Variants in MAJIN observed in about 807,000 individuals in gnomAD.
MAJIN encodes the protein membrane-anchored junction protein.
A neutral mutation model predicts 30.2 loss-of-function variants in MAJIN; 27 were observed. That is an observed-to-expected ratio of 0.89 (90% CI 0.66 to 1.23). The LOEUF is 1.23. Ranked by LOEUF, MAJIN falls within the 50% of genes most tolerant of loss-of-function variation. The probability of loss-of-function intolerance (pLI) is 0.00; values close to 1 mark genes in which losing one functional copy is unlikely to be tolerated. For missense variants in MAJIN, 253 were observed against 260.3 expected (o/e 0.97, Z 0.19); for synonymous variants, 78 against 91.6 (o/e 0.85, Z 0.85).
At chr11:64,962,209 T>A (rs77432824) in intron 1 of MAJIN, among the ~76,000 whole-genome samples, 2,509 of 152,342 alleles carry the variant, frequency 0.016, 62 homozygotes, top group African/African-American at 0.057. Flanking sequence ...GGAAATTTCA[T>A]GTGTTGTACC....
At chr11:64,953,672 T>C (rs563047055) in intron 4 of MAJIN, among the ~76,000 whole-genome samples, 5 of 152,202 alleles carry the variant, frequency 3.3e-5, no homozygotes, top group Admixed American at 3.3e-4. Flanking sequence ...ACATCGGTAG[T>C]CCCAGCTGCT....
At position 64,938,603 on chromosome 11, in the gene MAJIN, ACT is replaced by A. The variant is rs1374019339; in HGVS notation, c.*2-32_*2-31del. 3.3e-6 allele frequency: 5 copies of A among 1,532,316 alleles called. No individual in the cohort carries two copies. The African/African-American group carries it at 4.1e-5, about 13-fold the overall frequency. 94.9% of individuals were successfully genotyped at this position (1,532,316 alleles called of 1,614,324 possible). A position where few individuals can be genotyped will look rare whatever the true frequency, so the allele number is the denominator to read the frequency against. On this transcript the variant is annotated intron_variant, in intron 10 of 10. Transcript: ENST00000301896. The stretch of plus-strand genomic sequence containing the variant: ...AAGAATGAGAACAGAGTAGGCTGAG[ACT>A]CTATGAGGTCTCCTTCCCTTCTCCC...
At chr11:64,948,602 CATATATATATAT>C (rs1554970962) in intron 6 of MAJIN, among the ~76,000 whole-genome samples, 46 of 19,400 alleles carry the variant, frequency 2.4e-3, no homozygotes, top group East Asian at 0.019. Flanking sequence ...CGGGCTACAT[CATATATATATAT>C]ATATATATAT....
At chr11:64,959,886 C>T (rs1483455779) in intron 2 of MAJIN, among the ~76,000 whole-genome samples, 9 of 152,156 alleles carry the variant, frequency 5.9e-5, no homozygotes, top group African/African-American at 1.9e-4. Context: ...ATTAGGAGGA[C>T]GTTTGCTATC....
At chr11:64,970,453 A>G (rs1307370353) in intron 1 of MAJIN, among the ~76,000 whole-genome samples, 13 of 119,152 alleles carry the variant, frequency 1.1e-4, no homozygotes, top group African/African-American at 2.6e-4. Flanking sequence ...TGCAACCTCC[A>G]CCTCCTGGGT....
intron 3 of MAJIN, 42 bp from the exon 4 acceptor site, chr11:64,954,844 A>G: frequency 6.4e-7 from 1 of 1,561,406 alleles, no homozygotes; most frequent in Non-Finnish European, 8.7e-7. Context: ...ACATGAAGGA[A>G]AGCTCTGGAG....
chr11:64,949,902 C>A, intron 5 of MAJIN, 34 bp from the exon 6 acceptor site: 1 of 1,596,520 alleles, frequency 6.3e-7, no homozygotes, highest in Non-Finnish European at 8.5e-7. Context: ...AGGAAAGATG[C>A]CAGTATGCAT....
At chr11:64,960,910 A>G (rs903825643) in intron 1 of MAJIN, among the ~76,000 whole-genome samples, 2 of 152,322 alleles carry the variant, frequency 1.3e-5, no homozygotes, top group South Asian at 2.1e-4. Flanking sequence ...AGCCCATGAG[A>G]CTATTTAGAC....
At chr11:64,950,670 C>T (rs1424405844) in intron 4 of MAJIN, among the ~76,000 whole-genome samples, 3 of 152,112 alleles carry the variant, frequency 2.0e-5, no homozygotes, top group Non-Finnish European at 1.5e-5. Flanking sequence ...CAATCTCTGC[C>T]TCCTGGGCTC....
In MAJIN at chr11:64,939,745, C is replaced by G. The variant is rs752840962; in HGVS notation, c.569G>C (p.Cys190Ser). 1.9e-6 allele frequency: 3 copies of G among 1,613,800 alleles called. No individual in the cohort carries two copies. The highest frequency in any genetic ancestry group is 2.5e-6 in the Non-Finnish European group (3 of 1,179,896). ...GCAGGGGTGGGACAATTCGCCCTGGCAGGCTGTGTCCCCACTCAGAATCTG... is the reference window on the plus strand; with the variant it reads ...GCAGGGGTGGGACAATTCGCCCTGGGAGGCTGTGTCCCCACTCAGAATCTG... ...RNKILSGDTA[C>S]QGELSHPCST... Residue 190 changes from cysteine (C) to serine (S), a missense_variant, in exon 10 of 11, where the codon TGC (cysteine) becomes TCC (serine). Cys to Ser is a moderately radical substitution (Grantham distance 112). Coordinates refer to ENST00000301896, the MANE Select transcript of MAJIN (RefSeq NM_001037225.3).
At chr11:64,946,263 T>C (rs1465826835) in intron 8 of MAJIN, 13 of 1,193,494 alleles carry the variant, frequency 1.1e-5, no homozygotes, top group African/African-American at 1.6e-5. Flanking sequence ...ATTGTTATAC[T>C]ACTCCTGGCT....
intron 1 of MAJIN, among the ~76,000 whole-genome samples, chr11:64,970,361 C>CTTTTTTTTTTT (rs1196525730): frequency 1.5e-5 from 1 of 66,058 alleles, no homozygotes; most frequent in African/African-American, 5.6e-5. Context: ...AAGACTCCGT[C>CTTTTTTTTTTT]TTTTTTTTTT....
At chr11:64,951,143 C>T (rs764342935) in intron 4 of MAJIN, among the ~76,000 whole-genome samples, 8 of 152,168 alleles carry the variant, frequency 5.3e-5, no homozygotes, top group South Asian at 2.1e-4. Flanking sequence ...GTAGAATATA[C>T]ACCTGACTTA....
At chr11:64,945,760 C>G (rs948112027) in intron 8 of MAJIN, among the ~76,000 whole-genome samples, 2 of 152,184 alleles carry the variant, frequency 1.3e-5, no homozygotes, top group African/African-American at 4.8e-5. Flanking sequence ...TGGTCTTGAA[C>G]TCCTGACTTC....
At chr11:64,955,036 A>G (rs1945610647) in intron 3 of MAJIN, among the ~76,000 whole-genome samples, 1 of 152,242 alleles carries the variant, frequency 6.6e-6, no homozygotes, top group African/African-American at 2.4e-5. Flanking sequence ...CCACTGTGAA[A>G]GTTAATCATT....
In MAJIN at chr11:64,966,145, G is replaced by GAAAAAAAAAAAAAAAAAAAAAAA; in HGVS notation, c.-65+5731_-65+5732insTTTTTTTTTTTTTTTTTTTTTTT. 1.6e-3 allele frequency among the ~76,000 whole-genome samples: 91 copies of GAAAAAAAAAAAAAAAAAAAAAAA among 57,098 alleles called. 15 individuals are homozygous for GAAAAAAAAAAAAAAAAAAAAAAA. Among genetic ancestry groups the GAAAAAAAAAAAAAAAAAAAAAAA allele is most frequent in the Non-Finnish European group, 2.0e-3 (67 of 33,426 alleles). 37.5% of individuals were successfully genotyped at this position (57,098 alleles called of 152,430 possible). ...ACATGTAAGGAAGAAGATTAAAAATGAAAAAAAAAAAAAAAAAAAAGCAGC... is the reference window on the plus strand; with the variant it reads ...ACATGTAAGGAAGAAGATTAAAAATGAAAAAAAAAAAAAAAAAAAAAAAAAAAAAAAAAAAAAAAAAAAGCAGC... On this transcript the variant is annotated intron_variant, in intron 1 of 10. Coordinates refer to ENST00000301896, the MANE Select transcript of MAJIN (RefSeq NM_001037225.3).
chr11:64,963,407 T>G (rs1462044457), intron 1 of MAJIN, among the ~76,000 whole-genome samples: 2 of 152,182 alleles, frequency 1.3e-5, no homozygotes, highest in Admixed American at 6.5e-5. Context: ...AAATGCTATA[T>G]GAGGATAATA....
intron 1 of MAJIN, among the ~76,000 whole-genome samples, chr11:64,960,401 A>G (rs535677318): frequency 6.6e-6 from 1 of 152,278 alleles, no homozygotes; most frequent in East Asian, 1.9e-4. Flanking sequence ...AACTTTTGCC[A>G]TGCCCTATTC....
chr11:64,959,461 AT>A, intron 2 of MAJIN, 39 bp from the exon 3 acceptor site: 1 of 1,515,786 alleles, frequency 6.6e-7, no homozygotes. Context: ...AAAGCTAACG[AT>A]TGTTCCTTAT....
Sources: allele counts gnomAD v4.1 joint callset (sites outside exome capture counted in the v4.1 genomes callset), GRCh38; gene constraint gnomAD v4.1.1; transcripts MANE v1.5; gene names NCBI Gene and HGNC (gene_info 2026-07-23, HGNC 2026-07-21).